ASPRV1: variants seen among roughly 807,000 people sequenced by gnomAD.
ASPRV1 encodes the protein retroviral-like aspartic protease 1.
ASPRV1 carries 7 observed loss-of-function variants against 11.0 expected under a neutral mutation model. The ratio of observed to expected loss-of-function variants is 0.64; its 90% CI spans 0.36 to 1.20. The LOEUF is 1.20. Among genes scored for constraint, ASPRV1 ranks in the 50% most tolerant of loss-of-function variants. The pLI is 0.02. For synonymous variants in ASPRV1, 136 were observed against 138.4 expected (o/e 0.98, Z 0.12); for missense variants, 299 against 320.0 (o/e 0.93, Z 0.50).
At chr2:69,972,502 C>A in the ASPRV1 span, among the ~76,000 whole-genome samples, 1 of 151,706 alleles carries the variant, frequency 6.6e-6, no homozygotes, top group Non-Finnish European at 1.5e-5. Context: ...GGATTACAGG[C>A]TCCCGCCACC....
the ASPRV1 span, among the ~76,000 whole-genome samples, chr2:70,071,187 A>T: frequency 6.6e-6 from 1 of 152,202 alleles, no homozygotes; most frequent in Non-Finnish European, 1.5e-5. Context: ...CTCACCATCA[A>T]TTCATTCTTC....
chr2:70,054,503 G>C, the ASPRV1 span, among the ~76,000 whole-genome samples: 1 of 151,420 alleles, frequency 6.6e-6, no homozygotes, highest in Admixed American at 6.6e-5. Flanking sequence ...TGTGAACCCG[G>C]GAGGCGGAGT....
chr2:69,957,760 C>T (rs1677972571), downstream of ASPRV1, among the ~76,000 whole-genome samples: 1 of 152,010 alleles, frequency 6.6e-6, no homozygotes, highest in African/African-American at 2.4e-5. Context: ...GGAATTTAGA[C>T]CATGGGTTCC....
At chr2:69,989,901 C>T in the ASPRV1 span, among the ~76,000 whole-genome samples, 23 of 152,374 alleles carry the variant, frequency 1.5e-4, no homozygotes, top group South Asian at 4.1e-4. Context: ...GTTAAATCAG[C>T]GGTGATGATG....
the ASPRV1 span, among the ~76,000 whole-genome samples, chr2:70,072,089 T>C: frequency 6.6e-6 from 1 of 151,900 alleles, no homozygotes; most frequent in Non-Finnish European, 1.5e-5. Context: ...GTAGGTAGGA[T>C]CACAGATGTG....
the ASPRV1 span, among the ~76,000 whole-genome samples, chr2:70,047,379 G>T: frequency 6.6e-6 from 1 of 152,214 alleles, no homozygotes. Flanking sequence ...TTTGACAGGG[G>T]AGACAGCCAC....
the ASPRV1 span, among the ~76,000 whole-genome samples, chr2:69,933,937 A>G: frequency 6.6e-6 from 1 of 152,348 alleles, no homozygotes; most frequent in East Asian, 1.9e-4. Flanking sequence ...GTGTGTGGGC[A>G]ATGAATGTTA....
chr2:70,063,343 T>C, the ASPRV1 span, among the ~76,000 whole-genome samples: 4 of 152,188 alleles, frequency 2.6e-5, no homozygotes, highest in Non-Finnish European at 5.9e-5. Context: ...AGTCTTCCAG[T>C]ACTTTTTGCT....
the ASPRV1 span, among the ~76,000 whole-genome samples, chr2:69,987,696 G>A: frequency 6.6e-6 from 1 of 152,114 alleles, no homozygotes; most frequent in Admixed American, 6.5e-5. Flanking sequence ...GCTGTAGTGA[G>A]CTATGATCTT....
At chr2:70,059,475 C>T in the ASPRV1 span, among the ~76,000 whole-genome samples, 3 of 151,958 alleles carry the variant, frequency 2.0e-5, no homozygotes, top group Non-Finnish European at 4.4e-5. Context: ...TTAGAGCAGA[C>T]GTCCCCAACC....
the ASPRV1 span, among the ~76,000 whole-genome samples, chr2:70,024,531 A>AGG: frequency 1.3e-5 from 2 of 152,142 alleles, no homozygotes; most frequent in African/African-American, 2.4e-5. Context: ...TGCCTCCCCA[A>AGG]GGGGCAGCAC....
chr2:70,077,912 A>G, the ASPRV1 span, among the ~76,000 whole-genome samples: 1 of 152,030 alleles, frequency 6.6e-6, no homozygotes, highest in Non-Finnish European at 1.5e-5. Flanking sequence ...TCACACCTAT[A>G]ATCCCAGCAC....
the ASPRV1 span, among the ~76,000 whole-genome samples, chr2:70,056,887 A>C: frequency 6.6e-6 from 1 of 151,692 alleles, no homozygotes; most frequent in Non-Finnish European, 1.5e-5. Flanking sequence ...GGCGTGCGCC[A>C]CCTCACCCAG....
the ASPRV1 span, chr2:70,016,071 C>T: frequency 2.6e-5 from 4 of 152,180 alleles, no homozygotes; most frequent in African/African-American, 9.7e-5. Flanking sequence ...AGGAAACTAA[C>T]AGACATAAAG....
Position 69,961,066 on chromosome 2 carries a change from C to T in ASPRV1, c.371G>A (p.Arg124Lys), listed in dbSNP as rs752649063. Reference sequence around the variant, plus strand: ...CTGGGCCCCAGAGTCCACCAGGAACCTCACGGGCACTTTGCCAATCTTCCC... The same window carrying T: ...CTGGGCCCCAGAGTCCACCAGGAACTTCACGGGCACTTTGCCAATCTTCCC... ...LKGKIGKVPV[R>K]FLVDSGAQVS... The change falls in exon 1 of 1, where the codon AGG becomes AAG. Residue 124 changes from arginine to lysine, a missense_variant. Arg to Lys is a conservative substitution (Grantham distance 26, BLOSUM62 2). Coordinates refer to ENST00000320256, the MANE Select transcript of ASPRV1 (RefSeq NM_152792.4). 6.2e-7 allele frequency: 1 copy of T among 1,613,802 alleles called. No homozygotes were observed. Among genetic ancestry groups the T allele is most frequent in the Non-Finnish European group, 8.5e-7 (1 of 1,179,904 alleles).
the ASPRV1 span, among the ~76,000 whole-genome samples, chr2:69,968,875 T>C: frequency 6.6e-6 from 1 of 152,094 alleles, no homozygotes; most frequent in Non-Finnish European, 1.5e-5. Context: ...AGCATGGGCG[T>C]CTCCCAGGGC....
At chr2:70,072,906 A>C in the ASPRV1 span, among the ~76,000 whole-genome samples, 1 of 150,826 alleles carries the variant, frequency 6.6e-6, no homozygotes, top group Non-Finnish European at 1.5e-5. Context: ...TAAAAAAAAA[A>C]AAAAAAAAAA....
At chr2:70,027,284 A>AG in the ASPRV1 span, among the ~76,000 whole-genome samples, 9 of 142,142 alleles carry the variant, frequency 6.3e-5, no homozygotes, top group African/African-American at 7.9e-5. Flanking sequence ...AAAAAAAAAA[A>AG]GCGGGGGGTG....
chr2:70,002,075 T>C, the ASPRV1 span, among the ~76,000 whole-genome samples: 5 of 152,148 alleles, frequency 3.3e-5, no homozygotes, highest in Admixed American at 2.0e-4. Flanking sequence ...CTCTGACAAA[T>C]ATTAGCATGA....
Sources: allele counts gnomAD v4.1 joint callset (sites outside exome capture counted in the v4.1 genomes callset), GRCh38; gene constraint gnomAD v4.1.1; transcripts MANE v1.5; gene names NCBI Gene and HGNC (gene_info 2026-07-23, HGNC 2026-07-21).